The following EFHC2 variants were observed in gnomAD, a reference collection of about 807,000 sequenced individuals.
EFHC2 encodes the protein EF-hand domain containing 2.
EFHC2 carries 18 observed loss-of-function variants against 52.7 expected under a neutral mutation model. The observed-to-expected ratio is 0.34, with a 90% CI of 0.24 to 0.51. EFHC2 has a LOEUF of 0.51. Among genes scored for constraint, EFHC2 ranks in the 20% least tolerant of loss-of-function variants. EFHC2 has a pLI of 0.97. For synonymous variants in EFHC2, 203 were observed against 204.1 expected (o/e 0.99, Z 0.04); for missense variants, 513 against 562.5 (o/e 0.91, Z 0.89).
At chrX:44,307,931 C>T (rs1434799346) in intron 2 of EFHC2, among the ~76,000 whole-genome samples, 1 of 79,178 alleles carries the variant, frequency 1.3e-5, no homozygotes, top group Admixed American at 1.4e-4. Context: ...GAGACTTTGT[C>T]TCAAAAAAAA....
chrX:44,190,525 A>G (rs1349332502), intron 11 of EFHC2, among the ~76,000 whole-genome samples: 1 of 111,731 alleles, frequency 9.0e-6, no homozygotes, highest in Non-Finnish European at 1.9e-5. Flanking sequence ...ATTTATGGTG[A>G]GGATTTCTCT....
At chrX:44,151,001 G>A (rs1385148465) in intron 14 of EFHC2, among the ~76,000 whole-genome samples, 1 of 110,536 alleles carries the variant, frequency 9.0e-6, no homozygotes, top group Non-Finnish European at 1.9e-5. Context: ...GACACACAGG[G>A]GGAACACCAG....
intron 11 of EFHC2, among the ~76,000 whole-genome samples, chrX:44,215,757 C>T (rs185197184): frequency 9.0e-6 from 1 of 111,613 alleles, no homozygotes; most frequent in East Asian, 2.8e-4. Context: ...CACATCTAAA[C>T]TCACAAAAGC....
At chrX:44,255,153 C>T (rs1394991069) in intron 4 of EFHC2, among the ~76,000 whole-genome samples, 1 of 112,174 alleles carries the variant, frequency 8.9e-6, no homozygotes, top group African/African-American at 3.2e-5. Flanking sequence ...AAATCAGTAC[C>T]AGCTGCTGCA....
intron 13 of EFHC2, among the ~76,000 whole-genome samples, chrX:44,169,751 ACTCTCT>A (rs915346453): frequency 1.4e-4 from 15 of 108,430 alleles, no homozygotes; most frequent in African/African-American, 5.0e-4. Flanking sequence ...ACACATACAC[ACTCTCT>A]CTCTCTCTCT....
At chrX:44,285,821 G>A (rs1602198207) in intron 2 of EFHC2, 1 of 150,353 alleles carries the variant, frequency 6.7e-6, no homozygotes, top group East Asian at 1.6e-4. Flanking sequence ...GCGGCTGGCC[G>A]TCTCTCTAAA....
chrX:44,303,539 CT>C (rs1011739163), intron 2 of EFHC2, among the ~76,000 whole-genome samples: 16 of 109,781 alleles, frequency 1.5e-4, no homozygotes, highest in Non-Finnish European at 2.1e-4. Flanking sequence ...TATAATAAGC[CT>C]TTTCTAACAC....
chrX:44,320,057 C>T (rs1301782419), intron 1 of EFHC2, among the ~76,000 whole-genome samples: 1 of 111,679 alleles, frequency 9.0e-6, no homozygotes, highest in East Asian at 2.8e-4. Flanking sequence ...ATTCTCCTGC[C>T]TCAGCCTCCC....
At chrX:44,329,763 G>A (rs1329357963) in intron 1 of EFHC2, among the ~76,000 whole-genome samples, 3 of 107,962 alleles carry the variant, frequency 2.8e-5, no homozygotes, top group Admixed American at 1.0e-4. Context: ...CCACCACACC[G>A]GGCTTTTTTG....
chrX:44,172,299 C>G (rs1195397354), intron 13 of EFHC2, among the ~76,000 whole-genome samples: 2 of 112,144 alleles, frequency 1.8e-5, no homozygotes, highest in African/African-American at 6.5e-5. Flanking sequence ...TCTTTCCTTC[C>G]CAGTCCCATG....
chrX:44,262,931 T>G (rs1451259487), intron 3 of EFHC2, among the ~76,000 whole-genome samples: 1 of 112,226 alleles, frequency 8.9e-6, no homozygotes, highest in Admixed American at 9.4e-5. Flanking sequence ...ACACTAAGCC[T>G]CTATCTTCCA....
chrX:44,260,989 G>C, intron 4 of EFHC2, 86 bp downstream of exon 4: 2 of 789,191 alleles, frequency 2.5e-6, no homozygotes, highest in Non-Finnish European at 3.7e-6. Flanking sequence ...TTTCACATCT[G>C]CATCAGGAGT....
Position 44,312,653 on chromosome X carries a change from A to G in EFHC2, c.146T>C (p.Leu49Pro). 8.3e-7 allele frequency: 1 copy of G among 1,210,381 alleles called. No homozygotes were observed. The highest frequency in any genetic ancestry group is 1.1e-6 in the Non-Finnish European group (1 of 894,666). Residue 49 changes from leucine (L) to proline (P), a missense_variant, in exon 2 of 15, where the codon CTG becomes CCG. Coordinates refer to ENST00000420999, the MANE Select transcript of EFHC2 (RefSeq NM_025184.4). ...ACATTTAGGCTTTATCTTTTGCCCCAGAAGTGGTTCTCCACCTATTCCAGG... is the reference window on the plus strand; with the variant it reads ...ACATTTAGGCTTTATCTTTTGCCCCGGAAGTGGTTCTCCACCTATTCCAGG... ...EKPGIGGEPL[L>P]GQKIKPKCSI...
At chrX:44,278,710 A>T (rs2037679528) in intron 2 of EFHC2, among the ~76,000 whole-genome samples, 1 of 111,600 alleles carries the variant, frequency 9.0e-6, no homozygotes, top group Admixed American at 9.5e-5. Context: ...AAGGATGAAG[A>T]ATAAAAATCG....
chrX:44,280,774 G>T (rs2037696077), intron 2 of EFHC2, among the ~76,000 whole-genome samples: 2 of 112,024 alleles, frequency 1.8e-5, no homozygotes. Context: ...TAAAAACTCT[G>T]TGACCCAGAT....
Position 44,184,096 on chromosome X carries a change from C to T in EFHC2, c.1752-5532G>A, listed in dbSNP as rs1300449183. ...ACAGAAGTCAGATCATGTTCTTTGC[C>T]TGTTCAAAACCCTGTGAGGGCTTGC... On this transcript the variant is annotated intron_variant, in intron 11 of 14. Coordinates refer to ENST00000420999, the MANE Select transcript of EFHC2 (RefSeq NM_025184.4). 3.6e-5 allele frequency among the ~76,000 whole-genome samples: 4 copies of T among 111,856 alleles called. No individual in the cohort carries two copies. In the Admixed American group the frequency reaches 3.8e-4, roughly 11 times the overall value.
intron 11 of EFHC2, among the ~76,000 whole-genome samples, chrX:44,203,616 T>C (rs1488894367): frequency 9.0e-6 from 1 of 111,034 alleles, no homozygotes; most frequent in African/African-American, 3.3e-5. Flanking sequence ...AGATAGAGTC[T>C]CGATCTGTTG....
intron 1 of EFHC2, among the ~76,000 whole-genome samples, chrX:44,337,154 T>G (rs2038122130): frequency 9.0e-6 from 1 of 111,641 alleles, no homozygotes; most frequent in Non-Finnish European, 1.9e-5. Flanking sequence ...TAAACAGAAA[T>G]AACTTGAATT....
chrX:44,334,666 G>T (rs2038106572), intron 1 of EFHC2, among the ~76,000 whole-genome samples: 1 of 111,232 alleles, frequency 9.0e-6, no homozygotes, highest in African/African-American at 3.3e-5. Context: ...GTAGAGACAG[G>T]TTTCTCCATG....
Sources: gnomAD v4.1 joint callset for allele counts (sites outside exome capture counted in the v4.1 genomes callset) on GRCh38, gnomAD v4.1.1 for gene constraint, MANE v1.5 for transcripts, NCBI Gene and HGNC (gene_info 2026-07-23, HGNC 2026-07-21) for gene names.